KCNIP4: variants seen among roughly 807,000 people sequenced by gnomAD.
KCNIP4 encodes the protein potassium voltage-gated channel interacting protein 4, also known as Kv channel-interacting protein 4.
Under a neutral mutation model 34.0 loss-of-function variants are expected in KCNIP4, and 12 were observed. The ratio of observed to expected loss-of-function variants is 0.35; its 90% CI spans 0.23 to 0.57. The LOEUF (loss-of-function observed/expected upper bound fraction) is 0.57, where lower values mean the gene tolerates loss of function less well. Among genes scored for constraint, KCNIP4 ranks in the 20% least tolerant of loss-of-function variants. The pLI, the probability that KCNIP4 is intolerant of heterozygous loss-of-function variation, is 0.83. For synonymous variants in KCNIP4, 124 were observed against 102.2 expected, an observed-to-expected ratio of 1.21 and a Z score of -1.29; for missense variants, 238 against 311.7, an observed-to-expected ratio of 0.76 and a Z score of 1.78.
chr4:21,908,151 G>A (rs1728102078), intron 1 of KCNIP4, among the ~76,000 whole-genome samples: 1 of 152,094 alleles, frequency 6.6e-6, no homozygotes. Context: ...CTTTTCTTCA[G>A]AATATATGAA....
intron 1 of KCNIP4, among the ~76,000 whole-genome samples, chr4:21,657,112 A>G (rs1748021720): frequency 6.6e-6 from 1 of 152,234 alleles, no homozygotes; most frequent in African/African-American, 2.4e-5. Context: ...CAGTAATAAT[A>G]GCTGAGAAAT....
rs372248292 is a variant in KCNIP4, at chr4:21,795,960, T to C, written c.61+152611A>G. On this transcript the variant is annotated intron_variant, in intron 1 of 8. Coordinates refer to ENST00000382152, the MANE Select transcript of KCNIP4 (RefSeq NM_025221.6). ...GGTGCGTGCCTGTAATCCCAGCTAC[T>C]AGGAAGGCAGAAGCAAAAGAATCAC... 4.6e-5 allele frequency among the ~76,000 whole-genome samples: 7 copies of C among 152,118 alleles called. No individual in the cohort carries two copies. In the East Asian group the frequency reaches 1.2e-3, roughly 25 times the overall value.
At chr4:21,086,186 T>C (rs2109030813) in intron 1 of KCNIP4, among the ~76,000 whole-genome samples, 1 of 152,300 alleles carries the variant, frequency 6.6e-6, no homozygotes, top group Admixed American at 6.5e-5. Context: ...AACGATTCTA[T>C]ATTGTCAAGT....
At chr4:21,430,360 A>G (rs1198438828) in intron 1 of KCNIP4, among the ~76,000 whole-genome samples, 1 of 151,764 alleles carries the variant, frequency 6.6e-6, no homozygotes, top group Non-Finnish European at 1.5e-5. Context: ...TCCCTTGATA[A>G]GGGAGGGTTT....
intron 1 of KCNIP4, among the ~76,000 whole-genome samples, chr4:21,753,119 T>C (rs10516399): frequency 0.09 from 13,630 of 152,258 alleles, 808 homozygotes; most frequent in Non-Finnish European, 0.13. Context: ...GTTAAATATC[T>C]GGCATGTTTG....
At chr4:21,909,653 T>C (rs1264413722) in intron 1 of KCNIP4, among the ~76,000 whole-genome samples, 1 of 152,168 alleles carries the variant, frequency 6.6e-6, no homozygotes. Flanking sequence ...GAACACATAC[T>C]GTATTAGTTT....
At chr4:21,307,722 C>A (rs1288049310) in intron 1 of KCNIP4, among the ~76,000 whole-genome samples, 1 of 152,140 alleles carries the variant, frequency 6.6e-6, no homozygotes, top group African/African-American at 2.4e-5. Context: ...TACCAGCATG[C>A]CTCCTCTGCC....
At chr4:21,041,844 C>T (rs1741990627) in intron 1 of KCNIP4, among the ~76,000 whole-genome samples, 1 of 152,148 alleles carries the variant, frequency 6.6e-6, no homozygotes, top group Non-Finnish European at 1.5e-5. Flanking sequence ...GGTTTGGCGG[C>T]CAACAGCTTC....
At chr4:21,883,717 T>A (rs1726595040) in intron 1 of KCNIP4, among the ~76,000 whole-genome samples, 1 of 152,136 alleles carries the variant, frequency 6.6e-6, no homozygotes, top group Non-Finnish European at 1.5e-5. Context: ...TTTTTTCGGC[T>A]ATAGGCTTAT....
chr4:20,877,187 T>C (rs945010403), intron 2 of KCNIP4, among the ~76,000 whole-genome samples: 3 of 152,176 alleles, frequency 2.0e-5, no homozygotes, highest in Non-Finnish European at 4.4e-5. Context: ...GAGTTGACAA[T>C]AGCTGCATTT....
chr4:21,779,451 T>G (rs189504376), intron 1 of KCNIP4, among the ~76,000 whole-genome samples: 2 of 152,280 alleles, frequency 1.3e-5, no homozygotes, highest in East Asian at 3.9e-4. Context: ...TATCAAAAAA[T>G]GATAAGTATG....
At chr4:21,436,282 A>G (rs1163848299) in intron 1 of KCNIP4, among the ~76,000 whole-genome samples, 2 of 152,112 alleles carry the variant, frequency 1.3e-5, no homozygotes, top group Non-Finnish European at 2.9e-5. Context: ...TTTCCTTCCT[A>G]CTAAAATTTA....
chr4:20,875,661 G>A (rs186454248), intron 2 of KCNIP4, among the ~76,000 whole-genome samples: 3 of 152,186 alleles, frequency 2.0e-5, no homozygotes, highest in East Asian at 1.9e-4. Context: ...CTAGGTCAGA[G>A]CCTTTAGCTA....
chr4:21,271,208 T>A (rs1024490849), intron 1 of KCNIP4, among the ~76,000 whole-genome samples: 2 of 152,148 alleles, frequency 1.3e-5, no homozygotes, highest in South Asian at 4.1e-4. Context: ...TCTGAGGCAT[T>A]CAGGGGTCCC....
intron 1 of KCNIP4, among the ~76,000 whole-genome samples, chr4:21,802,988 A>G (rs186365460): frequency 6.6e-6 from 1 of 152,258 alleles, no homozygotes; most frequent in African/African-American, 2.4e-5. Flanking sequence ...CCTTATATCA[A>G]TTCCTGAACC....
intron 1 of KCNIP4, among the ~76,000 whole-genome samples, chr4:21,694,526 T>C (rs751372750): frequency 1.3e-5 from 2 of 152,132 alleles, no homozygotes; most frequent in African/African-American, 2.4e-5. Context: ...ATAAAAAATA[T>C]GTAGGAAGTT....
At chr4:21,928,553 T>C (rs188348441) in intron 1 of KCNIP4, among the ~76,000 whole-genome samples, 220 of 152,206 alleles carry the variant, frequency 1.4e-3, no homozygotes, top group Non-Finnish European at 2.6e-3. Context: ...TTAGAAGAGT[T>C]TGTGGTAAAC....
chr4:21,051,630 A>T (rs1742939969), intron 1 of KCNIP4, among the ~76,000 whole-genome samples: 1 of 152,136 alleles, frequency 6.6e-6, no homozygotes, highest in Non-Finnish European at 1.5e-5. Context: ...GGAAAAAACA[A>T]CTCATTCTTT....
intron 1 of KCNIP4, among the ~76,000 whole-genome samples, chr4:21,165,670 A>G (rs1753580178): frequency 6.6e-6 from 1 of 152,292 alleles, no homozygotes; most frequent in Admixed American, 6.5e-5. Flanking sequence ...AACATAATCC[A>G]TAAAAAAATT....
Sources: gnomAD v4.1 joint callset for allele counts (sites outside exome capture counted in the v4.1 genomes callset) on GRCh38, gnomAD v4.1.1 for gene constraint, MANE v1.5 for transcripts, NCBI Gene and HGNC (gene_info 2026-07-23, HGNC 2026-07-21) for gene names.